The following DEAF1 variants were observed in gnomAD, a reference collection of about 807,000 sequenced individuals.
DEAF1 encodes deformed epidermal autoregulatory factor 1 homolog.
In DEAF1, 53 loss-of-function variants were observed where a neutral mutation model predicts 58.9. The ratio of observed to expected loss-of-function variants is 0.90; its 90% CI spans 0.72 to 1.13. The LOEUF is 1.13. Among genes scored for constraint, DEAF1 ranks in the 50% most tolerant of loss-of-function variants. The pLI is 0.00. For missense variants in DEAF1, 685 were observed against 791.4 expected (o/e 0.87, Z 1.61); for synonymous variants, 385 against 340.4 (o/e 1.13, Z -1.44).
intron 5 of DEAF1, among the ~76,000 whole-genome samples, chr11:686,212 A>G (rs1386289111): frequency 1.4e-5 from 2 of 147,348 alleles, no homozygotes; most frequent in Non-Finnish European, 1.5e-5. Context: ...CAATCCTCTG[A>G]GCCTGGGAGG....
At chr11:683,532 G>A (rs1308773936) in intron 6 of DEAF1, among the ~76,000 whole-genome samples, 1 of 151,224 alleles carries the variant, frequency 6.6e-6, no homozygotes, top group Non-Finnish European at 1.5e-5. Flanking sequence ...ACCCCGCAAT[G>A]TGATTCCACC....
chr11:674,576 G>A lies in DEAF1; in HGVS notation c.1463C>T (p.Thr488Ile). ...KHASTYREAA[T>I]NQAKIHADAE... The stretch of plus-strand genomic sequence containing the variant: ...GTCAGCGTGGATCTTGGCCTGGTTT[G>A]TGGCAGCTTCTCGGTAGGTGCTGGC... The change falls in exon 10 of 12, where the codon ACA (threonine) becomes ATA (isoleucine). Residue 488 changes from threonine (T) to isoleucine (I), a missense_variant. Physicochemically the swap from Thr to Ile is moderately conservative, Grantham distance 89. Coordinates refer to ENST00000382409, the MANE Select transcript of DEAF1 (RefSeq NM_021008.4). The A allele has an allele frequency of 6.2e-7, 1 of 1,614,140 alleles. No individual in the cohort carries two copies. Among genetic ancestry groups the A allele is most frequent in the Non-Finnish European group, 8.5e-7 (1 of 1,180,030 alleles).
In DEAF1 at chr11:676,324, AGCACCCGACATCCCCCC is replaced by A. The variant is rs1479467430; in HGVS notation, c.1256-1558_1256-1542del. ...CACCCCCAGCACCCGACATCCCCCC[AGCACCCGACATCCCCCC>A]AGCACCTGACATCCCCGAGCACTCA... On this transcript the variant is annotated intron_variant, in intron 9 of 11. Transcript: ENST00000382409. Among the ~76,000 whole-genome samples the A allele has an allele frequency of 7.6e-3, 77 of 10,144 alleles. 3 individuals are homozygous for A. Among genetic ancestry groups the A allele is most frequent in the African/African-American group, 0.052 (67 of 1,292 alleles). The allele number at this position is 10,144 out of a possible 152,430, so 6.7% of individuals were successfully genotyped here. A position where few individuals can be genotyped will look rare whatever the true frequency, so the allele number is the denominator to read the frequency against.
chr11:652,284 T>C (rs907959466), intron 11 of DEAF1, among the ~76,000 whole-genome samples: 2 of 152,158 alleles, frequency 1.3e-5, no homozygotes, highest in Non-Finnish European at 2.9e-5. Context: ...AACTCATAGG[T>C]CACAGAAAAA....
At chr11:703,156 G>A (rs763617763) in intron 1 of DEAF1, 1 of 1,599,666 alleles carries the variant, frequency 6.3e-7, no homozygotes, top group Non-Finnish European at 8.5e-7. Flanking sequence ...GGTAGCTACG[G>A]ACACCCGGGA....
chr11:678,636 C>T, intron 9 of DEAF1, 58 bp downstream of exon 9: 2 of 1,611,518 alleles, frequency 1.2e-6, no homozygotes, highest in Non-Finnish European at 1.7e-6. Flanking sequence ...GGAATTCTTT[C>T]ATTGGAAGCA....
At chr11:668,444 A>G (rs913325632) in intron 10 of DEAF1, among the ~76,000 whole-genome samples, 2 of 152,190 alleles carry the variant, frequency 1.3e-5, no homozygotes, top group Non-Finnish European at 2.9e-5. Flanking sequence ...ACAGGGTCTC[A>G]TTCTGTTGCC....
intron 11 of DEAF1, among the ~76,000 whole-genome samples, chr11:647,849 G>A (rs866738015): frequency 6.7e-6 from 1 of 148,918 alleles, no homozygotes; most frequent in African/African-American, 2.5e-5. Context: ...GCGGTGCTGG[G>A]AGCAGGTGGG....
Position 644,666 on chromosome 11 carries a change from G to A in DEAF1, c.1594-12C>T. 1 of 1,598,658 alleles carries A rather than the reference G, an allele frequency of 6.3e-7. No individual in the cohort carries two copies. The highest frequency in any genetic ancestry group is 1.3e-5 in the African/African-American group (1 of 74,844). On this transcript the variant is annotated splice_polypyrimidine_tract_variant and intron_variant, in intron 11 of 11. Coordinates refer to ENST00000382409, the MANE Select transcript of DEAF1 (RefSeq NM_021008.4). This position sits in a 1 kb window ranked among gnomAD's most constrained non-coding sequence, Gnocchi z 4.3. ...TGATCCTTCCAGTCCTGGAAGGGAG[G>A]ACACACCCATGTCAGCAGGGTCAGT...
intron 11 of DEAF1, among the ~76,000 whole-genome samples, chr11:649,506 G>A (rs12292472): frequency 6.6e-6 from 1 of 151,678 alleles, no homozygotes; most frequent in South Asian, 2.1e-4. Flanking sequence ...GATCACTTGA[G>A]GTCAGGAGCT....
At position 654,152 on chromosome 11, in the gene DEAF1, C is replaced by T. The variant is rs1419939201; in HGVS notation, c.1504-101G>A. ...TGCAGGCAGGAGGCCCCAAGTTCCC[C>T]CCATTGGACCCCCTTTTTTTTTTTT... On this transcript the variant is annotated intron_variant, in intron 10 of 11. Transcript: ENST00000382409. 1.1e-5 allele frequency: 8 copies of T among 760,780 alleles called. No homozygotes were observed. The East Asian group carries it at 2.0e-4, about 19-fold the overall frequency. The allele number at this position is 760,780 out of a possible 1,614,324, so 47.1% of individuals were successfully genotyped here.
At chr11:648,588 C>T (rs1203620614) in intron 11 of DEAF1, among the ~76,000 whole-genome samples, 3 of 152,070 alleles carry the variant, frequency 2.0e-5, no homozygotes, top group South Asian at 2.1e-4. Context: ...TTTAAAAGAA[C>T]GGGATGTGTT....
chr11:681,236 C>T, intron 6 of DEAF1, 147 bp from the exon 7 acceptor site: 2 of 1,161,860 alleles, frequency 1.7e-6, no homozygotes, highest in South Asian at 2.6e-5. Context: ...AAAGATCCCA[C>T]CTCTTTTTCT....
At chr11:700,458 T>C (rs7480843) in intron 1 of DEAF1, among the ~76,000 whole-genome samples, 103,225 of 150,076 alleles carry the variant, frequency 0.69, 35,485 homozygotes, top group East Asian at 0.93. Flanking sequence ...ACCCGGGAGG[T>C]GGAGGTTCCA....
chr11:659,964 C>CAGGTGGGGCT (rs1859246416), intron 10 of DEAF1, among the ~76,000 whole-genome samples: 1 of 152,184 alleles, frequency 6.6e-6, no homozygotes, highest in African/African-American at 2.4e-5. Flanking sequence ...CAGGTGGGGC[C>CAGGTGGGGCT]AGGTGGGGCT....
At chr11:703,837 G>A (rs1043780831) in intron 1 of DEAF1, 5 of 1,234,790 alleles carry the variant, frequency 4.0e-6, no homozygotes, top group Non-Finnish European at 5.0e-6. Context: ...GGCCGGGGAT[G>A]AGACTGCAGG....
intron 11 of DEAF1, among the ~76,000 whole-genome samples, chr11:650,585 TCCTC>T (rs1364973324): frequency 6.6e-6 from 1 of 152,004 alleles, no homozygotes; most frequent in East Asian, 2.0e-4. Flanking sequence ...GCTCAAGAGA[TCCTC>T]CCCTCTTGGC....
rs112004151 is a variant in DEAF1, at chr11:655,514, C to T, written c.1504-1463G>A. 1.4e-3 allele frequency among the ~76,000 whole-genome samples: 204 copies of T among 148,496 alleles called. 2 individuals are homozygous for T. The highest frequency in any genetic ancestry group is 4.8e-3 in the African/African-American group (193 of 39,860). Reference sequence around the variant, plus strand: ...AGAGGCCTTGGCGCCGCGACCTGCACGCCCGCTATGCGCCCAGATCATCCG... The same window carrying T: ...AGAGGCCTTGGCGCCGCGACCTGCATGCCCGCTATGCGCCCAGATCATCCG... On this transcript the variant is annotated intron_variant, in intron 10 of 11. Coordinates refer to ENST00000382409, the MANE Select transcript of DEAF1 (RefSeq NM_021008.4).
At chr11:685,220 G>T (rs867124589) in intron 5 of DEAF1, among the ~76,000 whole-genome samples, 3 of 151,762 alleles carry the variant, frequency 2.0e-5, no homozygotes, top group African/African-American at 4.8e-5. Flanking sequence ...AAGAAGCTGG[G>T]ATTATAGGTT....
Sources: allele counts gnomAD v4.1 joint callset (sites outside exome capture counted in the v4.1 genomes callset), GRCh38; gene constraint gnomAD v4.1.1; non-coding constraint Gnocchi (gnomAD v3.1); transcripts MANE v1.5; gene names NCBI Gene and HGNC (gene_info 2026-07-23, HGNC 2026-07-21).